Variants in TULP2 observed in about 807,000 individuals in gnomAD.
The protein encoded by TULP2 is TUB like protein 2.
TULP2 carries 64 observed loss-of-function variants against 60.3 expected under a neutral mutation model. The observed-to-expected ratio is 1.06, with a 90% CI of 0.87 to 1.31. The LOEUF is 1.31. Ranked by LOEUF, TULP2 falls within the 50% of genes most tolerant of loss-of-function variation. TULP2 has a pLI of 0.00. For missense variants in TULP2, 652 were observed against 667.0 expected, an observed-to-expected ratio of 0.98 and a Z score of 0.25; for synonymous variants, 267 against 265.4, an observed-to-expected ratio of 1.01 and a Z score of -0.06.
intron 8 of TULP2, among the ~76,000 whole-genome samples, chr19:48,886,669 GGGGAGGGA>G (rs2037182064): frequency 6.6e-6 from 1 of 152,134 alleles, no homozygotes; most frequent in African/African-American, 2.4e-5. Flanking sequence ...AGACAAACCA[GGGGAGGGA>G]CCTGGTTGCT....
intron 9 of TULP2, 144 bp from the exon 10 acceptor site, chr19:48,884,190 A>C: frequency 1.5e-6 from 1 of 689,164 alleles, no homozygotes; most frequent in Non-Finnish European, 2.5e-6. Context: ...CTGGCTGGGC[A>C]CAGGGGCTCA....
chr19:48,896,462 C>G lies in TULP2; in HGVS notation c.179G>C (p.Cys60Ser). Reference sequence around the variant, plus strand: ...ACCTAAAAGGCGCTCCTCCCGCAGACAAGAGCGCCAAAGCCACGGGGAAGC... The same window carrying G: ...ACCTAAAAGGCGCTCCTCCCGCAGAGAAGAGCGCCAAAGCCACGGGGAAGC... ...PDASPWLWRS[C>S]LREERLLGDR... The change falls in exon 4 of 13, where the codon TGT becomes TCT. Residue 60 changes from cysteine to serine, a missense_variant. Cys to Ser is a moderately radical substitution (Grantham distance 112). Coordinates refer to ENST00000221399, the MANE Select transcript of TULP2 (RefSeq NM_003323.3). 1 of 1,611,228 alleles carries G rather than the reference C, an allele frequency of 6.2e-7. No individual in the cohort carries two copies. Among genetic ancestry groups the G allele is most frequent in the Non-Finnish European group, 8.5e-7 (1 of 1,179,056 alleles).
Position 48,897,858 on chromosome 19 carries a change from T to C in TULP2, c.11A>G (p.Asp4Gly). The change falls in exon 2 of 13, where the codon GAT (aspartate) becomes GGT (glycine). Residue 4 changes from aspartate to glycine, a missense_variant. Coordinates refer to ENST00000221399, the MANE Select transcript of TULP2 (RefSeq NM_003323.3). This position sits in a 1 kb window ranked among gnomAD's most constrained non-coding sequence, Gnocchi z 4.0. MSQ[D>G]NDTLMRDILG... ...TCACTCTCTCATCAATGTGTCATTA[T>C]CCTGAGACATTCTGCAGAAGCAAGA... The C allele has an allele frequency of 6.2e-7, 1 of 1,613,408 alleles. No homozygotes were observed. Among genetic ancestry groups the C allele is most frequent in the Non-Finnish European group, 8.5e-7 (1 of 1,179,712 alleles).
chr19:48,882,557 C>G (rs2037144207), intron 11 of TULP2, among the ~76,000 whole-genome samples: 1 of 152,156 alleles, frequency 6.6e-6, no homozygotes, highest in African/African-American at 2.4e-5. Context: ...ACAAAGGAGA[C>G]AGGGTCATTT....
chr19:48,881,172 T>C (rs769302028), intron 12 of TULP2, 46 bp from the exon 13 acceptor site: 62 of 1,066,870 alleles, frequency 5.8e-5, no homozygotes, highest in Non-Finnish European at 8.0e-5. Context: ...CTCTCTCATC[T>C]CCCAGCTTCG....
chr19:48,886,313 AAG>A (rs2037179183), intron 8 of TULP2, among the ~76,000 whole-genome samples: 1 of 151,872 alleles, frequency 6.6e-6, no homozygotes, highest in African/African-American at 2.4e-5. Flanking sequence ...AAAAAAAAAA[AAG>A]ACTTACTGGG....
intron 9 of TULP2, among the ~76,000 whole-genome samples, chr19:48,884,435 C>A (rs765078211): frequency 6.7e-6 from 1 of 149,302 alleles, no homozygotes; most frequent in African/African-American, 2.5e-5. Flanking sequence ...CAGAATGAAA[C>A]CCTGTCTCTA....
At chr19:48,892,742 C>T (rs1044108524) in intron 6 of TULP2, among the ~76,000 whole-genome samples, 6 of 152,056 alleles carry the variant, frequency 3.9e-5, no homozygotes, top group African/African-American at 1.4e-4. Context: ...CCGCCCGCCT[C>T]GGCCTCCCAA....
Position 48,894,986 on chromosome 19 carries a change from C to A in TULP2, c.514+12G>T. 2 of 1,608,536 alleles carry A rather than the reference C, an allele frequency of 1.2e-6. No homozygotes were observed. Among genetic ancestry groups the A allele is most frequent in the Non-Finnish European group, 1.7e-6 (2 of 1,177,846 alleles). On this transcript the variant is annotated intron_variant, in intron 6 of 12. Coordinates refer to ENST00000221399, the MANE Select transcript of TULP2 (RefSeq NM_003323.3). ...GAGATCCCAGGTTTCACCCCAATGT[C>A]CCCTAAATTACCAGGTCGTTGGTGG... is the stretch of plus-strand genomic sequence containing the variant.
Position 48,889,537 on chromosome 19 carries a change from A to G in TULP2, c.609T>C (p.Cys203=), listed in dbSNP as rs2037213846. The G allele has an allele frequency of 5.1e-6, 8 of 1,580,396 alleles. No individual in the cohort carries two copies. The highest frequency in any genetic ancestry group is 6.9e-6 in the Non-Finnish European group (8 of 1,153,554). The change falls in exon 7 of 13, where the codon TGT becomes TGC. Residue 203 remains cysteine (C), a synonymous_variant. Transcript: ENST00000221399. The part of the protein sequence containing the change: ...MGPNPGMDGD[C]VYENLAFQKE... ...TTTGGAAGGCCAAGTTTTCATATACACAGTCACCATCCATTCCAGGGTTTG... is the reference window on the plus strand; with the variant it reads ...TTTGGAAGGCCAAGTTTTCATATACGCAGTCACCATCCATTCCAGGGTTTG...
intron 11 of TULP2, among the ~76,000 whole-genome samples, chr19:48,882,752 T>A (rs1406313758): frequency 6.6e-6 from 1 of 152,040 alleles, no homozygotes; most frequent in East Asian, 1.9e-4. Context: ...CACCTTCAAA[T>A]AAGGAAGAGG....
At chr19:48,884,552 T>C (rs2037162791) in intron 9 of TULP2, among the ~76,000 whole-genome samples, 1 of 151,996 alleles carries the variant, frequency 6.6e-6, no homozygotes, top group Non-Finnish European at 1.5e-5. Context: ...GGGTGGATCA[T>C]CTGTGGTTGG....
rs189691009 is a variant in TULP2, at chr19:48,881,445, G to C, written c.1448-319C>G. On this transcript the variant is annotated intron_variant, in intron 12 of 12. Coordinates refer to ENST00000221399, the MANE Select transcript of TULP2 (RefSeq NM_003323.3). ...TGCCCAGGCTGGAGAGCAGTGGCGC[G>C]ATCTCGGCTCACTGCAAGCTCCGCC... 5.8e-3 allele frequency among the ~76,000 whole-genome samples: 847 copies of C among 146,376 alleles called. 8 individuals carry two copies. The highest frequency in any genetic ancestry group is 0.02 in the African/African-American group (784 of 39,170).
At chr19:48,884,327 C>A (rs1468095861) in intron 9 of TULP2, among the ~76,000 whole-genome samples, 1 of 151,922 alleles carries the variant, frequency 6.6e-6, no homozygotes, top group Non-Finnish European at 1.5e-5. Flanking sequence ...TGTCTATGGT[C>A]CCAGCTCTCA....
At chr19:48,884,645 C>T (rs1229506424) in intron 9 of TULP2, among the ~76,000 whole-genome samples, 9 of 151,428 alleles carry the variant, frequency 5.9e-5, no homozygotes, top group Admixed American at 5.9e-4. Flanking sequence ...TGGTGCATGC[C>T]TGTAATCCCA....
chr19:48,888,146 T>C lies in TULP2; in HGVS notation c.752A>G (p.Asp251Gly), dbSNP rs748138891. The stretch of plus-strand genomic sequence containing the variant: ...CAAGGAGGCTTCGTGCCTCATATGG[T>C]CGCTGTCCGTGCCACCCTCGCCTTT... ...ALKGEGGTDSDHMRHEASLAI... is the reference protein window; with the variant it reads ...ALKGEGGTDSGHMRHEASLAI... Residue 251 changes from aspartate to glycine, a missense_variant, in exon 8 of 13, where the codon GAC becomes GGC. Coordinates refer to ENST00000221399, the MANE Select transcript of TULP2 (RefSeq NM_003323.3). 3 of 1,614,214 alleles carry C rather than the reference T, an allele frequency of 1.9e-6. No individual in the cohort carries two copies. Among genetic ancestry groups the C allele is most frequent in the Non-Finnish European group, 2.5e-6 (3 of 1,180,032 alleles).
chr19:48,889,448 C>T (rs1198294838), intron 7 of TULP2, 62 bp downstream of exon 7: 2 of 1,521,576 alleles, frequency 1.3e-6, no homozygotes, highest in Non-Finnish European at 1.8e-6. Context: ...GCCCCACCCT[C>T]ACCAGAGGTC....
chr19:48,883,748 A>T lies in TULP2; in HGVS notation c.1275+6T>A, dbSNP rs767797696. On this transcript the variant is annotated splice_donor_region_variant and intron_variant, in intron 11 of 12. Transcript: ENST00000221399. ...GACCCAGAGATTCCTGATGTCAGGG[A>T]CTCACATTTAGTGGCTGGACATTGA... The T allele has an allele frequency of 6.2e-7, 1 of 1,613,550 alleles. No homozygotes were observed. Among genetic ancestry groups the T allele is most frequent in the Non-Finnish European group, 8.5e-7 (1 of 1,179,860 alleles).
At position 48,897,547 on chromosome 19, in the gene TULP2, G is replaced by T; in HGVS notation, c.33-151C>A. On this transcript the variant is annotated intron_variant, in intron 2 of 12. Coordinates refer to ENST00000221399, the MANE Select transcript of TULP2 (RefSeq NM_003323.3). This position sits in a 1 kb window ranked among gnomAD's most constrained non-coding sequence, Gnocchi z 4.0. The stretch of plus-strand genomic sequence containing the variant: ...TGCAGAACCTGAGCCTGCTCCACCA[G>T]TTATAGGGCCCTTTCTCCTGGCACT... 1 of 772,692 alleles carries T rather than the reference G, an allele frequency of 1.3e-6. No homozygotes were observed. Among genetic ancestry groups the T allele is most frequent in the Non-Finnish European group, 2.1e-6 (1 of 466,650 alleles). The allele number at this position is 772,692 out of a possible 1,614,324, so 47.9% of individuals were successfully genotyped here.
Sources: gnomAD v4.1 joint callset for allele counts (sites outside exome capture counted in the v4.1 genomes callset) on GRCh38, gnomAD v4.1.1 for gene constraint, Gnocchi (gnomAD v3.1) non-coding constraint, MANE v1.5 for transcripts, NCBI Gene and HGNC (gene_info 2026-07-23, HGNC 2026-07-21) for gene names.